Variants in WDR93 observed in about 807,000 individuals in gnomAD.
WDR93 encodes the protein WD repeat-containing protein 93.
A neutral mutation model predicts 82.9 loss-of-function variants in WDR93; 73 were observed. The observed-to-expected ratio is 0.88, with a 90% CI of 0.73 to 1.07. The LOEUF is 1.07. Among genes scored for constraint, WDR93 ranks in the 50% least tolerant of loss-of-function variants. The probability of loss-of-function intolerance (pLI) is 0.00; values close to 1 mark genes in which losing one functional copy is unlikely to be tolerated. For missense variants in WDR93, 738 were observed against 826.0 expected (o/e 0.89, Z 1.31); for synonymous variants, 283 against 300.1 (o/e 0.94, Z 0.59).
At position 89,737,478 on chromosome 15, in the gene WDR93, C is replaced by T. The variant is rs1261936341; in HGVS notation, c.1609-95C>T. ...GCCCAAGAGGTTTTATGTCCAGCTG[C>T]TTCTCTCATTCCTTACTGGGGTGAC... On this transcript the variant is annotated intron_variant, in intron 14 of 16. Transcript: ENST00000268130. 2.7e-6 allele frequency: 4 copies of T among 1,500,988 alleles called. No homozygotes were observed. In the East Asian group the frequency reaches 6.8e-5, roughly 26 times the overall value. The allele number at this position is 1,500,988 out of a possible 1,614,324, so 93.0% of individuals were successfully genotyped here.
chr15:89,696,476 TTGGTGGTGG>T (rs60440150), intron 1 of WDR93, among the ~76,000 whole-genome samples: 2 of 151,312 alleles, frequency 1.3e-5, no homozygotes, highest in East Asian at 1.9e-4. Context: ...TGAACTTACA[TTGGTGGTGG>T]TGGTGGTGGT....
intron 4 of WDR93, among the ~76,000 whole-genome samples, chr15:89,711,169 GC>G (rs1419571476): frequency 6.6e-6 from 1 of 152,118 alleles, no homozygotes; most frequent in Admixed American, 6.6e-5. Flanking sequence ...GAGTGTTCTT[GC>G]CAAAACATTG....
intron 8 of WDR93, among the ~76,000 whole-genome samples, chr15:89,726,887 A>G (rs899116671): frequency 6.6e-6 from 1 of 152,170 alleles, no homozygotes; most frequent in African/African-American, 2.4e-5. Flanking sequence ...TGGCCTTTGC[A>G]AATATTCTGT....
At chr15:89,718,406 G>A (rs1423405790) in intron 7 of WDR93, among the ~76,000 whole-genome samples, 3 of 150,962 alleles carry the variant, frequency 2.0e-5, no homozygotes, top group South Asian at 2.1e-4. Flanking sequence ...CCCGGGAGGC[G>A]GAGGTTGCAG....
At chr15:89,694,790 T>C (rs1965084150) in intron 1 of WDR93, among the ~76,000 whole-genome samples, 1 of 152,244 alleles carries the variant, frequency 6.6e-6, no homozygotes, top group African/African-American at 2.4e-5. Context: ...AGTTTTCTTC[T>C]AGAAGTTTTA....
chr15:89,732,947 G>C, intron 12 of WDR93, 59 bp from the exon 13 acceptor site: 1 of 1,521,150 alleles, frequency 6.6e-7, no homozygotes, highest in Non-Finnish European at 9.1e-7. Context: ...CAGCCCCTGT[G>C]CCCATGGCCT....
rs1966179558 is a variant in WDR93 at position 89,714,992 on chromosome 15, T to C, written c.653T>C (p.Ile218Thr). 6.2e-7 allele frequency: 1 copy of C among 1,613,572 alleles called. No homozygotes were observed. The highest frequency in any genetic ancestry group is 1.7e-5 in the Admixed American group (1 of 59,946). ...TTTCCCAATGCAGGAGCCGGAGATATTTGGCTGGATGTGTATAAATTGCCC... is the reference window on the plus strand; with the variant it reads ...TTTCCCAATGCAGGAGCCGGAGATACTTGGCTGGATGTGTATAAATTGCCC... ...AAFLLQGAGDIWLDVYKLPKE... is the reference protein window; with the variant it reads ...AAFLLQGAGDTWLDVYKLPKE... The change falls in exon 6 of 17, where the codon ATT becomes ACT. Residue 218 changes from isoleucine to threonine, a missense_variant. Transcript: ENST00000268130.
intron 13 of WDR93, among the ~76,000 whole-genome samples, chr15:89,735,163 C>T (rs981105120): frequency 6.6e-6 from 1 of 152,152 alleles, no homozygotes; most frequent in Non-Finnish European, 1.5e-5. Flanking sequence ...TGAGCCACTG[C>T]ACCCAGCCTC....
intron 1 of WDR93, among the ~76,000 whole-genome samples, chr15:89,694,248 C>CTTTT (rs907842374): frequency 2.9e-4 from 36 of 125,142 alleles, no homozygotes; most frequent in Non-Finnish European, 4.3e-4. Context: ...TGGGTTATTT[C>CTTTT]TTTTTTTTTT....
At chr15:89,737,269 C>A (rs181433165) in intron 14 of WDR93, among the ~76,000 whole-genome samples, 34 of 152,250 alleles carry the variant, frequency 2.2e-4, no homozygotes, top group Non-Finnish European at 2.9e-4. Context: ...GGAATCTTGG[C>A]TACATGGAGG....
chr15:89,721,547 C>T (rs1182002824), intron 7 of WDR93: 1 of 154,006 alleles, frequency 6.5e-6, no homozygotes, highest in Admixed American at 6.5e-5. Flanking sequence ...GAGCAAAATC[C>T]TGTCTCTCAC....
At position 89,731,542 on chromosome 15, in the gene WDR93, C is replaced by T. The variant is rs754197706; in HGVS notation, c.1310C>T (p.Thr437Met). 13 of 1,614,004 alleles carry T rather than the reference C, an allele frequency of 8.1e-6. No homozygotes were observed. The highest frequency in any genetic ancestry group is 1.1e-5 in the Non-Finnish European group (13 of 1,180,020). Residue 437 changes from threonine to methionine, a missense_variant, in exon 12 of 17, where the codon ACG becomes ATG. By Grantham distance (81) the Thr-to-Met change is moderately conservative. Coordinates refer to ENST00000268130, the MANE Select transcript of WDR93 (RefSeq NM_020212.2). ...LVLACEDGVL[T>M]LWDLAKGFPL... is the part of the protein sequence containing the mutation. ...CTGGCCTGCGAGGATGGTGTGCTCA[C>T]GCTGTGGGACCTGGCCAAAGGTAAG...
At chr15:89,731,618 C>T (rs1207298253) in intron 12 of WDR93, 56 bp downstream of exon 12, 2 of 1,606,786 alleles carry the variant, frequency 1.2e-6, no homozygotes, top group Middle Eastern at 3.4e-4. Context: ...GGCAATGAGT[C>T]TGGGAGCTCT....
chr15:89,739,516 C>T (rs961007435), intron 16 of WDR93, among the ~76,000 whole-genome samples: 2 of 152,200 alleles, frequency 1.3e-5, no homozygotes, highest in Non-Finnish European at 2.9e-5. Context: ...GCTATCAAAG[C>T]ATAAGGAACA....
chr15:89,717,038 T>C (rs1318485090), intron 7 of WDR93, 89 bp downstream of exon 7: 2 of 660,786 alleles, frequency 3.0e-6, no homozygotes, highest in Non-Finnish European at 4.4e-6. Flanking sequence ...TTCTTTTCTT[T>C]TTCTTTCTTT....
chr15:89,736,333 C>T (rs1596124807), intron 14 of WDR93, among the ~76,000 whole-genome samples: 2 of 152,186 alleles, frequency 1.3e-5, no homozygotes, highest in African/African-American at 2.4e-5. Flanking sequence ...TGTGGCCCTA[C>T]GGAGGGTGAG....
chr15:89,712,394 A>ATTTTTT (rs1177405888), intron 5 of WDR93, among the ~76,000 whole-genome samples: 3 of 61,682 alleles, frequency 4.9e-5, no homozygotes, highest in African/African-American at 2.8e-4. Flanking sequence ...TTTTCCACTA[A>ATTTTTT]TCTTTTTTTT....
intron 6 of WDR93, among the ~76,000 whole-genome samples, chr15:89,716,350 T>G (rs1187369957): frequency 6.6e-6 from 1 of 152,266 alleles, no homozygotes; most frequent in Non-Finnish European, 1.5e-5. Flanking sequence ...TCATACCTTC[T>G]GCTTTTTATC....
chr15:89,698,662 A>G (rs7178463), intron 1 of WDR93, among the ~76,000 whole-genome samples: 94,636 of 151,878 alleles, frequency 0.62, 30,368 homozygotes, highest in Middle Eastern at 0.69. Context: ...AGTGATATTG[A>G]TATACTTCCA....
Sources: gnomAD v4.1 joint callset for allele counts (sites outside exome capture counted in the v4.1 genomes callset) on GRCh38, gnomAD v4.1.1 for gene constraint, MANE v1.5 for transcripts, NCBI Gene and HGNC (gene_info 2026-07-23, HGNC 2026-07-21) for gene names.